MIPOL1: variants seen among roughly 807,000 people sequenced by gnomAD.
MIPOL1 encodes mirror-image polydactyly 1, also known as mirror-image polydactyly gene 1 protein.
Under a neutral mutation model 60.9 loss-of-function variants are expected in MIPOL1, and 57 were observed. The observed-to-expected ratio is 0.94, with a 90% CI of 0.76 to 1.17. MIPOL1 has a LOEUF of 1.17. Among genes scored for constraint, MIPOL1 ranks in the 50% most tolerant of loss-of-function variants. The probability of loss-of-function intolerance (pLI) is 0.00; values close to 1 mark genes in which losing one functional copy is unlikely to be tolerated. For synonymous variants in MIPOL1, 179 were observed against 168.8 expected, an observed-to-expected ratio of 1.06 and a Z score of -0.47; for missense variants, 551 against 511.6, an observed-to-expected ratio of 1.08 and a Z score of -0.74.
chr14:37,393,495 T>C (rs978019395), intron 10 of MIPOL1, among the ~76,000 whole-genome samples: 2 of 151,830 alleles, frequency 1.3e-5, no homozygotes, highest in African/African-American at 4.8e-5. Context: ...AACATACATA[T>C]AACATCAAAC....
chr14:37,458,667 TACACACAC>T (rs913733091), intron 11 of MIPOL1, among the ~76,000 whole-genome samples: 2 of 150,110 alleles, frequency 1.3e-5, no homozygotes, highest in African/African-American at 4.9e-5. Context: ...AAAAAAAAAA[TACACACAC>T]ACACATACAC....
At chr14:37,423,616 A>C (rs2093913136) in intron 11 of MIPOL1, 1 of 152,042 alleles carries the variant, frequency 6.6e-6, no homozygotes, top group Non-Finnish European at 1.5e-5. Context: ...CATTGAAAAA[A>C]CACACCGATG....
At chr14:37,400,670 T>G (rs1270010727) in intron 10 of MIPOL1, 3 of 152,130 alleles carry the variant, frequency 2.0e-5, no homozygotes, top group Non-Finnish European at 4.4e-5. Context: ...GAGGTTATTT[T>G]TACTCCAACT....
At position 37,288,246 on chromosome 14, in the gene MIPOL1, A is replaced by G. The variant is rs191473603; in HGVS notation, c.623+2799A>G. Among the ~76,000 whole-genome samples, 446 of 152,134 alleles carry G rather than the reference A, an allele frequency of 2.9e-3. 1 individual carries two copies. Among genetic ancestry groups the G allele is most frequent in the Non-Finnish European group, 5.2e-3 (351 of 68,016 alleles). On this transcript the variant is annotated intron_variant, in intron 7 of 12. Coordinates refer to ENST00000684589, the MANE Select transcript of MIPOL1 (RefSeq NM_001388067.1). Reference sequence around the variant, plus strand: ...GGTCTTGAACTCCTAAGCTCAAGCAATCTGCCCACCTTGACCCCCCAAAAT... The same window carrying G: ...GGTCTTGAACTCCTAAGCTCAAGCAGTCTGCCCACCTTGACCCCCCAAAAT...
intron 7 of MIPOL1, among the ~76,000 whole-genome samples, chr14:37,299,857 T>C (rs1427459309): frequency 6.6e-6 from 1 of 152,084 alleles, no homozygotes; most frequent in African/African-American, 2.4e-5. Context: ...ATTTAGTTTG[T>C]ATGTCTCCCT....
At chr14:37,401,925 A>G (rs2093490110) in intron 10 of MIPOL1, 1 of 152,136 alleles carries the variant, frequency 6.6e-6, no homozygotes, top group East Asian at 1.9e-4. Context: ...TATTCCAAAT[A>G]CACTATAGGA....
intron 11 of MIPOL1, among the ~76,000 whole-genome samples, chr14:37,495,700 C>G (rs1279162901): frequency 1.5e-5 from 2 of 133,664 alleles, no homozygotes; most frequent in African/African-American, 3.0e-5. Context: ...CCTGAGGAAT[C>G]GCCACACTGT....
intron 10 of MIPOL1, among the ~76,000 whole-genome samples, chr14:37,406,988 G>A (rs747955610): frequency 2.6e-5 from 4 of 152,042 alleles, no homozygotes; most frequent in Non-Finnish European, 5.9e-5. Context: ...TTGAATTAGG[G>A]TTCTTTCAAC....
chr14:37,531,166 A>T (rs1338131829), intron 12 of MIPOL1, among the ~76,000 whole-genome samples: 1 of 152,138 alleles, frequency 6.6e-6, no homozygotes, highest in Non-Finnish European at 1.5e-5. Context: ...ATGATGAAGG[A>T]TGGACAATGA....
At chr14:37,492,251 A>G (rs2095057444) in intron 11 of MIPOL1, among the ~76,000 whole-genome samples, 2 of 152,224 alleles carry the variant, frequency 1.3e-5, no homozygotes, top group Admixed American at 6.5e-5. Flanking sequence ...AGCAGCACAT[A>G]CTTCTACATT....
At chr14:37,458,110 G>A (rs976098128) in intron 11 of MIPOL1, among the ~76,000 whole-genome samples, 2 of 151,672 alleles carry the variant, frequency 1.3e-5, no homozygotes, top group African/African-American at 4.8e-5. Flanking sequence ...ATAATAAAGA[G>A]TTCAACTCAA....
At chr14:37,493,670 CTT>C (rs1202209754) in intron 11 of MIPOL1, among the ~76,000 whole-genome samples, 2 of 152,108 alleles carry the variant, frequency 1.3e-5, no homozygotes, top group East Asian at 1.9e-4. Flanking sequence ...AATTATAAAA[CTT>C]AAATTTATAA....
In MIPOL1 at chr14:37,369,715, A is replaced by C. The variant is rs145143265; in HGVS notation, c.936+91A>C. 12 of 843,688 alleles carry C rather than the reference A, an allele frequency of 1.4e-5. No individual in the cohort carries two copies. The Middle Eastern group carries it at 9.3e-4, about 66-fold the overall frequency. The allele number at this position is 843,688 out of a possible 1,614,324, so 52.3% of individuals were successfully genotyped here. A position where few individuals can be genotyped will look rare whatever the true frequency, so the allele number is the denominator to read the frequency against. On this transcript the variant is annotated intron_variant, in intron 10 of 12. Coordinates refer to ENST00000684589, the MANE Select transcript of MIPOL1 (RefSeq NM_001388067.1). ...TGCATATATCAGTTGTGTACATTTC[A>C]GCAGAAGTGAGCTGTGGTGTTTGCC...
rs137970049 is a variant in MIPOL1 at position 37,509,995 on chromosome 14, A to G, written c.1262+9857A>G. 7.0e-3 allele frequency among the ~76,000 whole-genome samples: 1,067 copies of G among 151,546 alleles called. 16 individuals carry two copies. Among genetic ancestry groups the G allele is most frequent in the African/African-American group, 0.022 (924 of 41,102 alleles). On this transcript the variant is annotated intron_variant, in intron 12 of 12. Transcript: ENST00000684589. ...ATATGCATACATACGTAGTTTATAG[A>G]CACACATAGTTTATATATGTATATA...
intron 11 of MIPOL1, among the ~76,000 whole-genome samples, chr14:37,478,794 A>T (rs1317094982): frequency 1.3e-5 from 2 of 152,246 alleles, no homozygotes; most frequent in East Asian, 3.9e-4. Flanking sequence ...AAAAGCTGTA[A>T]AAAATAGGAA....
At chr14:37,200,899 T>TGTGTGTGTG (rs1566965450) in intron 1 of MIPOL1, among the ~76,000 whole-genome samples, 3 of 65,956 alleles carry the variant, frequency 4.5e-5, no homozygotes, top group South Asian at 5.1e-4. Flanking sequence ...TGTGTGTGTG[T>TGTGTGTGTG]ATTTTTTTTT....
chr14:37,289,224 C>A (rs1486296668), intron 7 of MIPOL1, among the ~76,000 whole-genome samples: 1 of 152,166 alleles, frequency 6.6e-6, no homozygotes, highest in Non-Finnish European at 1.5e-5. Context: ...CAACAGTCAA[C>A]ACAGAAGCCT....
intron 9 of MIPOL1, among the ~76,000 whole-genome samples, chr14:37,319,755 A>G (rs1192863351): frequency 1.3e-5 from 2 of 152,132 alleles, no homozygotes; most frequent in Non-Finnish European, 2.9e-5. Flanking sequence ...ATCCTGATCA[A>G]GATATGGAAC....
At chr14:37,354,577 G>T (rs1759526448) in intron 9 of MIPOL1, among the ~76,000 whole-genome samples, 1 of 56,140 alleles carries the variant, frequency 1.8e-5, no homozygotes. Flanking sequence ...CTTGCTTTAT[G>T]AATCTGGGTG....
Sources: allele counts gnomAD v4.1 joint callset (sites outside exome capture counted in the v4.1 genomes callset), GRCh38; gene constraint gnomAD v4.1.1; transcripts MANE v1.5; gene names NCBI Gene and HGNC (gene_info 2026-07-23, HGNC 2026-07-21).